RHD: variants seen among roughly 807,000 people sequenced by gnomAD.
RHD encodes the protein Rh blood group D antigen.
RHD carries 16 observed loss-of-function variants against 45.5 expected under a neutral mutation model. The ratio of observed to expected loss-of-function variants is 0.35; its 90% CI spans 0.24 to 0.53. RHD has a LOEUF of 0.53. RHD is among the 20% of genes least tolerant of loss of function. RHD has a pLI of 0.92. For missense variants in RHD, 306 were observed against 532.0 expected, an observed-to-expected ratio of 0.58 and a Z score of 4.18; for synonymous variants, 131 against 217.5, an observed-to-expected ratio of 0.60 and a Z score of 3.50.
chr1:25,279,255 C>T (rs1164977996), intron 1 of RHD, among the ~76,000 whole-genome samples: 2 of 128,326 alleles, frequency 1.6e-5, no homozygotes, highest in East Asian at 2.0e-4. Flanking sequence ...ACACTCACTA[C>T]GTACCCAATG....
intron 3 of RHD, 61 bp from the exon 4 acceptor site, chr1:25,300,885 T>C: frequency 7.4e-7 from 1 of 1,360,068 alleles, no homozygotes; most frequent in South Asian, 1.2e-5. Context: ...CCAAGGACTA[T>C]CAGGGCTTGC....
rs1644660220 is a variant in RHD at position 25,320,872 on chromosome 1, T to C, written c.1154-1017T>C. Among the ~76,000 whole-genome samples the C allele has an allele frequency of 1.5e-5, 2 of 130,418 alleles. 1 individual carries two copies. Among genetic ancestry groups the C allele is most frequent in the Admixed American group, 1.5e-4 (2 of 13,308 alleles). 85.6% of individuals were successfully genotyped at this position (130,418 alleles called of 152,430 possible). On this transcript the variant is annotated intron_variant, in intron 8 of 9. Transcript: ENST00000328664. ...GCCTGGGCAACATGGCTAAGTCCTG[T>C]CTCTGCAAAAAATACCAAAAACTGA...
Position 25,329,821 on chromosome 1 carries a change from T to C in RHD, c.*897T>C, listed in dbSNP as rs1258885791. On this transcript the variant is annotated 3_prime_UTR_variant, in exon 10 of 10. Coordinates refer to ENST00000328664, the MANE Select transcript of RHD (RefSeq NM_016124.6). ...AGTGCGCACTACCACACCCAGCTAA[T>C]TTTTGCATTTTTACTTGACAGGGTT... 7.7e-6 allele frequency: 1 copy of C among 129,802 alleles called. No homozygotes were observed. The highest frequency in any genetic ancestry group is 1.8e-5 in the Non-Finnish European group (1 of 54,994). The allele number at this position is 129,802 out of a possible 1,614,324, so 8.0% of individuals were successfully genotyped here.
chr1:25,278,889 G>A lies in RHD; in HGVS notation c.149-5684G>A, dbSNP rs543305810. ...CGCCGGTAGAGTAGAGGCTGTGGGCGAGGAGGTGGCGGCCTCCTGAGGCTG... is the reference window on the plus strand; with the variant it reads ...CGCCGGTAGAGTAGAGGCTGTGGGCAAGGAGGTGGCGGCCTCCTGAGGCTG... On this transcript the variant is annotated intron_variant, in intron 1 of 9. Coordinates refer to ENST00000328664, the MANE Select transcript of RHD (RefSeq NM_016124.6). 6.2e-3 allele frequency among the ~76,000 whole-genome samples: 796 copies of A among 128,870 alleles called. 121 individuals carry two copies. Among genetic ancestry groups the A allele is most frequent in the African/African-American group, 0.019 (703 of 37,524 alleles). The allele number at this position is 128,870 out of a possible 152,430, so 84.5% of individuals were successfully genotyped here.
chr1:25,279,055 C>T lies in RHD; in HGVS notation c.149-5518C>T, dbSNP rs370879610. Among the ~76,000 whole-genome samples, 207 of 129,460 alleles carry T rather than the reference C, an allele frequency of 1.6e-3. 30 individuals carry two copies. The highest frequency in any genetic ancestry group is 4.0e-3 in the African/African-American group (151 of 37,474). The allele number at this position is 129,460 out of a possible 152,430, so 84.9% of individuals were successfully genotyped here. On this transcript the variant is annotated intron_variant, in intron 1 of 9. Coordinates refer to ENST00000328664, the MANE Select transcript of RHD (RefSeq NM_016124.6). ...AAGGAGGGGCAAGAGTGGGAGGGGG[C>T]GCAGATCCAGAATCACGGAGGCAGC...
In RHD at chr1:25,329,109, T is replaced by G. The variant is rs1460166098; in HGVS notation, c.*185T>G. ...ACTCTTTGAGGAGAATCTCACCATT[T>G]ATTATGCACTGTAGAATACAACAAT... On this transcript the variant is annotated 3_prime_UTR_variant, in exon 10 of 10. Transcript: ENST00000328664. 3 of 1,232,914 alleles carry G rather than the reference T, an allele frequency of 2.4e-6. No individual in the cohort carries two copies. The highest frequency in any genetic ancestry group is 3.5e-6 in the Non-Finnish European group (3 of 864,178). 76.4% of individuals were successfully genotyped at this position (1,232,914 alleles called of 1,614,324 possible).
chr1:25,312,920 TAAAAAAAAAAAAAAAAAAAAAAAAAAAAA>T (rs58027687), intron 7 of RHD, among the ~76,000 whole-genome samples: 1 of 6,850 alleles, frequency 1.5e-4, no homozygotes, highest in Non-Finnish European at 4.3e-4. Context: ...ATCCCATCTC[TAAAAAAAAAAAAAAAAAAAAAAAAAAAAA>T]AAAAAACTTT....
intron 8 of RHD, among the ~76,000 whole-genome samples, chr1:25,317,866 G>T (rs1404466304): frequency 9.4e-6 from 1 of 106,350 alleles, no homozygotes; most frequent in South Asian, 2.9e-4. Flanking sequence ...GAGCAGCAGG[G>T]GTTGAGGGCA....
At chr1:25,314,729 C>A (rs1463486628) in intron 7 of RHD, among the ~76,000 whole-genome samples, 2 of 131,818 alleles carry the variant, frequency 1.5e-5, no homozygotes, top group African/African-American at 2.6e-5. Flanking sequence ...TGATCTTGGA[C>A]TCCTGGCCTC....
chr1:25,320,651 G>A lies in RHD; in HGVS notation c.1154-1238G>A, dbSNP rs1411073934. Among the ~76,000 whole-genome samples the A allele has an allele frequency of 1.5e-5, 2 of 132,124 alleles. 1 individual carries two copies. Among genetic ancestry groups the A allele is most frequent in the Non-Finnish European group, 3.6e-5 (2 of 55,772 alleles). The allele number at this position is 132,124 out of a possible 152,430, so 86.7% of individuals were successfully genotyped here. Reference sequence around the variant, plus strand: ...TATCAGGAGCATTTCCTTGCTTCCTGTGAAAGGAAGCACTCATTCCATGTG... The same window carrying A: ...TATCAGGAGCATTTCCTTGCTTCCTATGAAAGGAAGCACTCATTCCATGTG... On this transcript the variant is annotated intron_variant, in intron 8 of 9. Coordinates refer to ENST00000328664, the MANE Select transcript of RHD (RefSeq NM_016124.6).
At chr1:25,310,747 G>A (rs1167632288) in intron 7 of RHD, among the ~76,000 whole-genome samples, 1 of 132,278 alleles carries the variant, frequency 7.6e-6, no homozygotes, top group Non-Finnish European at 1.8e-5. Flanking sequence ...CAAAGCAGGT[G>A]GATCACCTGA....
Position 25,305,735 on chromosome 1 carries a change from G to A in RHD, c.940-861G>A, listed in dbSNP as rs186702733. 2.3e-5 allele frequency among the ~76,000 whole-genome samples: 3 copies of A among 129,758 alleles called. 1 individual carries two copies. Among genetic ancestry groups the A allele is most frequent in the African/African-American group, 5.3e-5 (2 of 37,496 alleles). 85.1% of individuals were successfully genotyped at this position (129,758 alleles called of 152,430 possible). ...CCTGCCTCAGCCTCCTGAGTAGCTG[G>A]GTCTACAGGCGCCCACCACCACGCC... On this transcript the variant is annotated intron_variant, in intron 6 of 9. Transcript: ENST00000328664.
At position 25,321,961 on chromosome 1, in the gene RHD, A is replaced by T. The variant is rs375471538; in HGVS notation, c.1226A>T (p.Lys409Met). ...AKYFDDQVFW[K>M]FPHLAVGF ...TATTTTGATGACCAAGTTTTCTGGAAGGTAAGATTTTTCACCTATTAACGT... is the reference window on the plus strand; with the variant it reads ...TATTTTGATGACCAAGTTTTCTGGATGGTAAGATTTTTCACCTATTAACGT... Residue 409 changes from lysine (K) to methionine (M), a missense_variant and splice_region_variant, in exon 9 of 10, where the codon AAG (lysine) becomes ATG (methionine). Lys to Met is a moderately conservative substitution (Grantham distance 95). Coordinates refer to ENST00000328664, the MANE Select transcript of RHD (RefSeq NM_016124.6). 36 of 1,303,766 alleles carry T rather than the reference A, an allele frequency of 2.8e-5. 11 individuals carry two copies. Among genetic ancestry groups the T allele is most frequent in the Non-Finnish European group, 4.0e-5 (36 of 910,968 alleles). The allele number at this position is 1,303,766 out of a possible 1,614,324, so 80.8% of individuals were successfully genotyped here.
Position 25,297,047 on chromosome 1 carries a change from A to G in RHD, c.487-3899A>G, listed in dbSNP as rs780029149. Among the ~76,000 whole-genome samples the G allele has an allele frequency of 3.0e-4, 40 of 131,282 alleles. 9 individuals are homozygous for G. Among genetic ancestry groups the G allele is most frequent in the Non-Finnish European group, 5.9e-4 (33 of 55,896 alleles). 86.1% of individuals were successfully genotyped at this position (131,282 alleles called of 152,430 possible). ...TCTCATTTCACCAATTTTCTCAATA[A>G]TATCTTTTCTAGAAAAAAATATATA... On this transcript the variant is annotated intron_variant, in intron 3 of 9. Transcript: ENST00000328664.
At position 25,303,380 on chromosome 1, in the gene RHD, T is replaced by G. The variant is rs1255525081; in HGVS notation, c.860T>G (p.Leu287Arg). The G allele has an allele frequency of 7.3e-7, 1 of 1,378,330 alleles. No homozygotes were observed. Among genetic ancestry groups the G allele is most frequent in the Non-Finnish European group, 1.0e-6 (1 of 978,186 alleles). The allele number at this position is 1,378,330 out of a possible 1,614,324, so 85.4% of individuals were successfully genotyped here. The change falls in exon 6 of 10, where the codon CTG becomes CGG. Residue 287 changes from leucine to arginine, a missense_variant. By Grantham distance (102) the Leu-to-Arg change is moderately radical (BLOSUM62 -2). Transcript: ENST00000328664. ...GTGGCTGTGGGTACCTCGTGTCACC[T>G]GATCCCTTCTCCGTGGCTTGCCATG... ...GGVAVGTSCHLIPSPWLAMVL... is the reference protein window; with the variant it reads ...GGVAVGTSCHRIPSPWLAMVL...
In RHD at chr1:25,315,065, G is replaced by A. The variant is rs555327815; in HGVS notation, c.1074-1935G>A. ...TAAAAATACAAAAAATTAGCTGGGC[G>A]TTGTGGCTCTTGCCTGTAGTCTCAG... On this transcript the variant is annotated intron_variant, in intron 7 of 9. Coordinates refer to ENST00000328664, the MANE Select transcript of RHD (RefSeq NM_016124.6). Among the ~76,000 whole-genome samples the A allele has an allele frequency of 3.1e-5, 4 of 128,586 alleles. 1 individual carries two copies. Among genetic ancestry groups the A allele is most frequent in the Admixed American group, 2.3e-4 (3 of 13,120 alleles). The allele number at this position is 128,586 out of a possible 152,430, so 84.4% of individuals were successfully genotyped here. A position where few individuals can be genotyped will look rare whatever the true frequency, so the allele number is the denominator to read the frequency against.
chr1:25,291,161 T>TAGACAGACAGAC (rs377224052), intron 3 of RHD, among the ~76,000 whole-genome samples: 23 of 124,092 alleles, frequency 1.9e-4, no homozygotes, highest in African/African-American at 6.8e-4. Flanking sequence ...GATAGATAGA[T>TAGACAGACAGAC]AGACAGACAG....
chr1:25,328,733 C>T (rs1344427756), intron 9 of RHD, among the ~76,000 whole-genome samples, 165 bp from the exon 10 acceptor site: 2 of 28,492 alleles, frequency 7.0e-5, no homozygotes, highest in African/African-American at 2.2e-4. Context: ...CCATGTAAAA[C>T]GTTAGATGAA....
intron 9 of RHD, among the ~76,000 whole-genome samples, chr1:25,322,417 G>A (rs1214837962): frequency 7.5e-6 from 1 of 132,884 alleles, no homozygotes; most frequent in Non-Finnish European, 1.8e-5. Context: ...TCACGCCTGT[G>A]ATCCCAGCAC....
Sources: gnomAD v4.1 joint callset for allele counts (sites outside exome capture counted in the v4.1 genomes callset) on GRCh38, gnomAD v4.1.1 for gene constraint, MANE v1.5 for transcripts, NCBI Gene and HGNC (gene_info 2026-07-23, HGNC 2026-07-21) for gene names.